The following PTH2R variants were observed in gnomAD, a reference collection of about 807,000 sequenced individuals.
PTH2R encodes parathyroid hormone 2 receptor.
A neutral mutation model predicts 60.3 loss-of-function variants in PTH2R; 59 were observed. That is an observed-to-expected ratio of 0.98 (90% confidence interval 0.79 to 1.22). The LOEUF is 1.22. PTH2R is among the 50% of genes most tolerant of loss of function. The pLI, the probability that PTH2R is intolerant of heterozygous loss-of-function variation, is 0.00. For missense variants in PTH2R, 749 were observed against 682.6 expected, an observed-to-expected ratio of 1.10 and a Z score of -1.08; for synonymous variants, 256 against 243.8, an observed-to-expected ratio of 1.05 and a Z score of -0.47.
chr2:208,481,820 G>A (rs957857518), intron 10 of PTH2R, among the ~76,000 whole-genome samples: 3 of 152,150 alleles, frequency 2.0e-5, no homozygotes, highest in Non-Finnish European at 2.9e-5. Context: ...TGGATTTGCT[G>A]TATTGTTTTT....
chr2:208,438,007 A>G, intron 4 of PTH2R, 126 bp downstream of exon 4: 1 of 1,262,812 alleles, frequency 7.9e-7, no homozygotes, highest in African/African-American at 1.5e-5. Flanking sequence ...CATAAAAGAT[A>G]AAAGCAATGT....
intron 1 of PTH2R, among the ~76,000 whole-genome samples, chr2:208,418,704 T>A (rs1701691480): frequency 6.6e-6 from 1 of 152,040 alleles, no homozygotes; most frequent in African/African-American, 2.4e-5. Context: ...TATCTTTGAG[T>A]TTTGTTTTAC....
At chr2:208,454,935 T>C (rs1415188675) in intron 8 of PTH2R, among the ~76,000 whole-genome samples, 1 of 152,194 alleles carries the variant, frequency 6.6e-6, no homozygotes, top group African/African-American at 2.4e-5. Context: ...ATAAAGAACC[T>C]GTCACTCACT....
intron 2 of PTH2R, among the ~76,000 whole-genome samples, chr2:208,437,126 T>C (rs1284459005): frequency 6.6e-6 from 1 of 152,172 alleles, no homozygotes. Context: ...GCCAGTGAAG[T>C]GCGCTGCTTC....
exon 1 of PTH2R, chr2:208,360,174 CTCT>C (rs1325865130): frequency 4.4e-6 from 2 of 454,074 alleles, no homozygotes; most frequent in Non-Finnish European, 8.9e-6. Flanking sequence ...TTTTTCTTTT[CTCT>C]TCTTTTTCTA....
intron 12 of PTH2R, 146 bp downstream of exon 12, chr2:208,490,826 AAAAG>A (rs1703388503): frequency 1.3e-6 from 1 of 787,614 alleles, no homozygotes; most frequent in Admixed American, 3.5e-5. Flanking sequence ...ATTATTTTGG[AAAAG>A]AAAGAATTAG....
At chr2:208,365,494 A>G (rs1052106232) in intron 1 of PTH2R, among the ~76,000 whole-genome samples, 3 of 151,880 alleles carry the variant, frequency 2.0e-5, no homozygotes, top group Non-Finnish European at 4.4e-5. Flanking sequence ...ATTGATTTTC[A>G]TATGTTGAAC....
intron 1 of PTH2R, among the ~76,000 whole-genome samples, chr2:208,380,252 G>T (rs1284924005): frequency 1.3e-5 from 2 of 152,128 alleles, no homozygotes; most frequent in Non-Finnish European, 2.9e-5. Flanking sequence ...GGAAAGCTGT[G>T]TAGCAGAGGA....
chr2:208,439,179 T>C (rs2105867272), intron 4 of PTH2R, among the ~76,000 whole-genome samples: 2 of 152,272 alleles, frequency 1.3e-5, no homozygotes, highest in Middle Eastern at 3.4e-3. Context: ...TATATTGAAC[T>C]CTAATCTTAT....
intron 1 of PTH2R, among the ~76,000 whole-genome samples, chr2:208,397,713 C>T (rs192472069): frequency 4.6e-5 from 7 of 152,166 alleles, no homozygotes; most frequent in South Asian, 2.1e-4. Context: ...TTCAAGTAGC[C>T]GGTGAAAAAA....
chr2:208,451,505 T>C (rs1225784393), intron 8 of PTH2R, among the ~76,000 whole-genome samples: 2 of 152,100 alleles, frequency 1.3e-5, no homozygotes, highest in East Asian at 3.9e-4. Context: ...GTATCAGGGA[T>C]TGTTCATGGC....
intron 1 of PTH2R, among the ~76,000 whole-genome samples, chr2:208,370,847 G>A (rs1700688043): frequency 6.6e-6 from 1 of 152,054 alleles, no homozygotes; most frequent in Non-Finnish European, 1.5e-5. Context: ...AGGCTTAATT[G>A]GCTCACAGTT....
At chr2:208,435,885 A>G (rs1702065651) in intron 2 of PTH2R, among the ~76,000 whole-genome samples, 1 of 152,210 alleles carries the variant, frequency 6.6e-6, no homozygotes, top group Non-Finnish European at 1.5e-5. Flanking sequence ...TTACAGTAGC[A>G]ATGGAAAACT....
rs554609790 is a variant in PTH2R at position 208,396,235 on chromosome 2, C to A, written c.-258-31966C>A. ...AGAAGAAAACCTAGGCAATACCATT[C>A]AGGACATAGGCACAGGCAAGGACTT... On this transcript the variant is annotated intron_variant, in intron 1 of 12. Transcript: ENST00000617735. Among the ~76,000 whole-genome samples, 3 of 152,278 alleles carry A rather than the reference C, an allele frequency of 2.0e-5. No individual in the cohort carries two copies. The South Asian group carries it at 6.2e-4, about 32-fold the overall frequency.
Position 208,489,055 on chromosome 2 carries a change from G to A in PTH2R, c.1120G>A (p.Val374Met), listed in dbSNP as rs779767927. Residue 374 changes from valine to methionine, a missense_variant, in exon 11 of 13, where the codon GTG becomes ATG. Transcript: ENST00000272847. ...STLVLVLVFG[V>M]HYIVFVCLPH... ...ACTGGTCCTGGTCCTAGTCTTTGGA[G>A]TGCATTACATCGTGTTCGTATGCCT... is the stretch of plus-strand genomic sequence containing the variant. 3 of 1,614,114 alleles carry A rather than the reference G, an allele frequency of 1.9e-6. No homozygotes were observed. The Admixed American group carries it at 5.0e-5, about 27-fold the overall frequency.
chr2:208,452,043 A>G (rs1005542276), intron 8 of PTH2R, among the ~76,000 whole-genome samples: 6 of 152,218 alleles, frequency 3.9e-5, no homozygotes, highest in Non-Finnish European at 8.8e-5. Context: ...TCATGTATAA[A>G]GCAGAGATAA....
chr2:208,440,423 AAAT>A (rs1702159277), intron 4 of PTH2R, among the ~76,000 whole-genome samples: 1 of 152,206 alleles, frequency 6.6e-6, no homozygotes, highest in South Asian at 2.1e-4. Flanking sequence ...TATTAAGAGA[AAAT>A]AATAAGTAAT....
intron 9 of PTH2R, among the ~76,000 whole-genome samples, chr2:208,476,112 A>G (rs1443762053): frequency 6.6e-6 from 1 of 152,156 alleles, no homozygotes; most frequent in Non-Finnish European, 1.5e-5. Flanking sequence ...ATTTTAGGTG[A>G]TAAGTTTAAA....
rs553884980 is a variant in PTH2R, at chr2:208,451,522, A to ATATT, written c.914+716_914+719dup. Among the ~76,000 whole-genome samples, 150 of 152,226 alleles carry ATATT rather than the reference A, an allele frequency of 9.9e-4. 2 individuals carry two copies. Among genetic ancestry groups the ATATT allele is most frequent in the African/African-American group, 3.3e-3 (139 of 41,536 alleles). On this transcript the variant is annotated intron_variant, in intron 8 of 12. Transcript: ENST00000272847. ...ATCAGGGATTGTTCATGGCTCTTGT[A>ATATT]TATTTAGTATATTATGAATGTTTAG... is the stretch of plus-strand genomic sequence containing the variant.
Sources: allele counts gnomAD v4.1 joint callset (sites outside exome capture counted in the v4.1 genomes callset), GRCh38; gene constraint gnomAD v4.1.1; transcripts MANE v1.5; gene names NCBI Gene and HGNC (gene_info 2026-07-23, HGNC 2026-07-21).